The following DGKB variants were observed in gnomAD, a reference collection of about 807,000 sequenced individuals.
The protein encoded by DGKB is 90 kDa diacylglycerol kinase.
Under a neutral mutation model 114.3 loss-of-function variants are expected in DGKB, and 67 were observed. That is an observed-to-expected ratio of 0.59 (90% confidence interval 0.48 to 0.72). The LOEUF (loss-of-function observed/expected upper bound fraction) is 0.72, where lower values mean the gene tolerates loss of function less well. DGKB is among the 30% of genes least tolerant of loss of function. The probability of loss-of-function intolerance (pLI) is 0.00; values close to 1 mark genes in which losing one functional copy is unlikely to be tolerated. For synonymous variants in DGKB, 398 were observed against 323.1 expected, an observed-to-expected ratio of 1.23 and a Z score of -2.49; for missense variants, 907 against 975.2, an observed-to-expected ratio of 0.93 and a Z score of 0.93.
chr7:14,362,629 G>C (rs1297423085), intron 21 of DGKB, among the ~76,000 whole-genome samples: 2 of 142,302 alleles, frequency 1.4e-5, no homozygotes, highest in African/African-American at 5.5e-5. Context: ...CTCATTCTTA[G>C]AGTGTATATA....
intron 1 of DGKB, among the ~76,000 whole-genome samples, chr7:14,846,629 G>C (rs181222430): frequency 1.3e-5 from 2 of 152,302 alleles, no homozygotes; most frequent in East Asian, 1.9e-4. Flanking sequence ...CCCTGCAGAA[G>C]TCTTTCTTTA....
intron 8 of DGKB, 51 bp downstream of exon 8, chr7:14,698,044 G>C: frequency 1.1e-6 from 1 of 934,270 alleles, no homozygotes; most frequent in Non-Finnish European, 1.7e-6. Flanking sequence ...AGAAAAGAAA[G>C]AAAGAGGCCT....
chr7:14,785,184 A>G (rs566141571), intron 2 of DGKB, among the ~76,000 whole-genome samples: 7 of 152,340 alleles, frequency 4.6e-5, no homozygotes, highest in African/African-American at 1.7e-4. Flanking sequence ...CGGAAAAAAT[A>G]TAAAGAAAAA....
intron 1 of DGKB, among the ~76,000 whole-genome samples, chr7:14,849,677 C>A (rs1449322186): frequency 6.6e-6 from 1 of 152,140 alleles, no homozygotes; most frequent in African/African-American, 2.4e-5. Flanking sequence ...TTTGGATGAC[C>A]TAGCTGGGCA....
At chr7:14,243,192 C>A (rs533176106) in intron 23 of DGKB, among the ~76,000 whole-genome samples, 142 of 152,114 alleles carry the variant, frequency 9.3e-4, no homozygotes, top group African/African-American at 3.2e-3. Context: ...TGAACACTTG[C>A]TTATTGCTTT....
At chr7:14,206,307 C>T (rs1044848810) in intron 23 of DGKB, among the ~76,000 whole-genome samples, 2 of 151,902 alleles carry the variant, frequency 1.3e-5, no homozygotes, top group African/African-American at 4.8e-5. Context: ...GAAGATTTGC[C>T]TGAGGAATTC....
intron 23 of DGKB, among the ~76,000 whole-genome samples, chr7:14,287,270 T>A (rs1203205292): frequency 6.6e-6 from 1 of 152,172 alleles, no homozygotes; most frequent in South Asian, 2.1e-4. Flanking sequence ...TAAGATTTTA[T>A]TGATCCCTCT....
intron 21 of DGKB, among the ~76,000 whole-genome samples, chr7:14,374,868 GCCT>G (rs750980902): frequency 5.3e-5 from 8 of 152,124 alleles, no homozygotes; most frequent in Non-Finnish European, 1.0e-4. Flanking sequence ...AATCAAAAAT[GCCT>G]CCAGATATTG....
chr7:14,729,277 C>A (rs924143648), intron 5 of DGKB, among the ~76,000 whole-genome samples: 2 of 140,114 alleles, frequency 1.4e-5, no homozygotes, highest in Admixed American at 7.0e-5. Context: ...CGCCTGCCAC[C>A]ACATCCGGCT....
At position 14,694,214 on chromosome 7, in the gene DGKB, G is replaced by C; in HGVS notation, c.592-20C>G. ...GAGGATCTGGAGTAGAGGAGATAAG[G>C]GAAAATTGGTGGTCAACCAATAAAA... On this transcript the variant is annotated intron_variant, in intron 8 of 25. Coordinates refer to ENST00000402815, the MANE Select transcript of DGKB (RefSeq NM_001350709.2). 6.5e-7 allele frequency: 1 copy of C among 1,549,650 alleles called. No individual in the cohort carries two copies. Among genetic ancestry groups the C allele is most frequent in the Admixed American group, 2.0e-5 (1 of 50,518 alleles).
intron 20 of DGKB, among the ~76,000 whole-genome samples, chr7:14,484,217 T>C (rs1278950456): frequency 6.6e-6 from 1 of 152,164 alleles, no homozygotes; most frequent in Non-Finnish European, 1.5e-5. Context: ...CCTATATATA[T>C]GTCAACTCCA....
chr7:14,318,574 A>G (rs2128525502), intron 23 of DGKB, among the ~76,000 whole-genome samples: 1 of 152,308 alleles, frequency 6.6e-6, no homozygotes, highest in Admixed American at 6.5e-5. Context: ...ATGCTAATCA[A>G]AACCACAATG....
chr7:14,518,458 CT>C (rs1298973218), intron 20 of DGKB, among the ~76,000 whole-genome samples: 7 of 151,932 alleles, frequency 4.6e-5, no homozygotes, highest in African/African-American at 1.4e-4. Flanking sequence ...CCATGTACCC[CT>C]GAACCTAAAA....
At chr7:14,468,703 T>G (rs571514248) in intron 21 of DGKB, among the ~76,000 whole-genome samples, 2 of 149,660 alleles carry the variant, frequency 1.3e-5, no homozygotes, top group East Asian at 2.0e-4. Context: ...GTAGAAATTT[T>G]TTCTAAAAGT....
At chr7:14,301,372 T>C (rs1345210068) in intron 23 of DGKB, among the ~76,000 whole-genome samples, 1 of 152,080 alleles carries the variant, frequency 6.6e-6, no homozygotes, top group Non-Finnish European at 1.5e-5. Flanking sequence ...CCCTAACAAT[T>C]GGCAAGTCAT....
intron 5 of DGKB, among the ~76,000 whole-genome samples, chr7:14,731,305 AGTAC>A (rs1352352969): frequency 6.6e-6 from 1 of 152,212 alleles, no homozygotes; most frequent in African/African-American, 2.4e-5. Context: ...TCTAAAATAC[AGTAC>A]GTAAATATTA....
intron 20 of DGKB, among the ~76,000 whole-genome samples, chr7:14,501,311 A>G (rs1199400610): frequency 6.6e-6 from 1 of 151,910 alleles, no homozygotes; most frequent in Non-Finnish European, 1.5e-5. Flanking sequence ...CAGTGTCCCA[A>G]AGTAGCATCT....
chr7:14,508,847 C>T (rs1014219066), intron 20 of DGKB, among the ~76,000 whole-genome samples: 4 of 152,022 alleles, frequency 2.6e-5, no homozygotes, highest in Non-Finnish European at 4.4e-5. Flanking sequence ...ATCATTCTGA[C>T]GTTTTACAGA....
At chr7:14,236,648 A>G (rs1792831494) in intron 23 of DGKB, among the ~76,000 whole-genome samples, 1 of 152,106 alleles carries the variant, frequency 6.6e-6, no homozygotes, top group Non-Finnish European at 1.5e-5. Flanking sequence ...TCTAAAAATC[A>G]AAGTCGTGAA....
Sources: gnomAD v4.1 joint callset for allele counts (sites outside exome capture counted in the v4.1 genomes callset) on GRCh38, gnomAD v4.1.1 for gene constraint, MANE v1.5 for transcripts, NCBI Gene and HGNC (gene_info 2026-07-23, HGNC 2026-07-21) for gene names.